COL6A6: variants seen among roughly 807,000 people sequenced by gnomAD.
COL6A6 encodes collagen alpha-6(VI) chain.
A neutral mutation model predicts 208.6 loss-of-function variants in COL6A6; 183 were observed. The observed-to-expected ratio is 0.88, with a 90% CI of 0.78 to 0.99. The LOEUF is 0.99. Among genes scored for constraint, COL6A6 ranks in the 50% least tolerant of loss-of-function variants. The probability of loss-of-function intolerance (pLI) is 0.00; values close to 1 mark genes in which losing one functional copy is unlikely to be tolerated. For synonymous variants in COL6A6, 973 were observed against 1,011.8 expected, an observed-to-expected ratio of 0.96 and a Z score of 0.73; for missense variants, 2,816 against 2,815.2, an observed-to-expected ratio of 1.00 and a Z score of -0.01.
chr3:130,560,596 T>C (rs1207708604), intron 2 of COL6A6, among the ~76,000 whole-genome samples, 168 bp downstream of exon 2: 1 of 152,204 alleles, frequency 6.6e-6, no homozygotes, highest in East Asian at 1.9e-4. Context: ...CCATATTCCT[T>C]TGAAGATCAT....
intron 4 of COL6A6, among the ~76,000 whole-genome samples, chr3:130,565,987 A>G (rs2063011251): frequency 6.6e-6 from 1 of 152,032 alleles, no homozygotes; most frequent in Admixed American, 6.5e-5. Context: ...TTCTCACCCA[A>G]ATCATCTTTC....
rs202193097 is a variant in COL6A6, at chr3:130,634,242, TAAAAAAAAAAAAA to T, written c.4993-336_4993-324del. Among the ~76,000 whole-genome samples, 3 of 23,794 alleles carry T rather than the reference TAAAAAAAAAAAAA, an allele frequency of 1.3e-4. 1 individual carries two copies. The African/African-American group carries it at 1.7e-3, about 14-fold the overall frequency. The allele number at this position is 23,794 out of a possible 152,430, so 15.6% of individuals were successfully genotyped here. ...ATAAATAAATAAATAAATAAATAAA[TAAAAAAAAAAAAA>T]AAAAAAAAAAAGATCGTGTCAGAGA... On this transcript the variant is annotated intron_variant, in intron 26 of 36. Coordinates refer to ENST00000358511, the MANE Select transcript of COL6A6 (RefSeq NM_001102608.3).
chr3:130,621,445 A>G (rs2064713873), intron 23 of COL6A6, among the ~76,000 whole-genome samples: 1 of 152,188 alleles, frequency 6.6e-6, no homozygotes, highest in South Asian at 2.1e-4. Flanking sequence ...AATGTTTTCT[A>G]CCAAAGCCAG....
At chr3:130,647,012 T>A (rs1312406764) in intron 32 of COL6A6, among the ~76,000 whole-genome samples, 1 of 152,202 alleles carries the variant, frequency 6.6e-6, no homozygotes, top group Non-Finnish European at 1.5e-5. Context: ...GTGTTGTGTT[T>A]AGGTTACATG....
chr3:130,647,429 C>A (rs1281669013), intron 32 of COL6A6, among the ~76,000 whole-genome samples: 1 of 152,190 alleles, frequency 6.6e-6, no homozygotes, highest in African/African-American at 2.4e-5. Context: ...AGAAGAATCA[C>A]TTTCATGTTT....
At chr3:130,577,219 TG>T (rs959638194) in intron 8 of COL6A6, among the ~76,000 whole-genome samples, 1 of 152,174 alleles carries the variant, frequency 6.6e-6, no homozygotes, top group Admixed American at 6.6e-5. Flanking sequence ...ATGTGGAAAC[TG>T]GGGTTCAAGG....
At position 130,567,254 on chromosome 3, in the gene COL6A6, C is replaced by G. The variant is rs753595417; in HGVS notation, c.1835C>G (p.Thr612Ser). The change falls in exon 5 of 37, where the codon ACT (threonine) becomes AGT (serine). Residue 612 changes from threonine to serine, a missense_variant. Thr to Ser is a moderately conservative substitution (Grantham distance 58). Transcript: ENST00000358511. Reference sequence around the variant, plus strand: ...AACCAAGTTGTTCAAGAAATCTGTACTGAAGAAGGTAAGAGAAATCGTGGC... The same window carrying G: ...AACCAAGTTGTTCAAGAAATCTGTAGTGAAGAAGGTAAGAGAAATCGTGGC... ...IRNQVVQEIC[T>S]EEACKEMKAD... The G allele has an allele frequency of 1.2e-6, 2 of 1,605,200 alleles. No individual in the cohort carries two copies. Among genetic ancestry groups the G allele is most frequent in the Non-Finnish European group, 1.7e-6 (2 of 1,174,638 alleles).
chr3:130,580,274 T>C (rs1157489575), intron 8 of COL6A6, among the ~76,000 whole-genome samples: 1 of 152,246 alleles, frequency 6.6e-6, no homozygotes, highest in African/African-American at 2.4e-5. Flanking sequence ...TCTAAATAGT[T>C]TATCTTATTT....
At chr3:130,599,842 G>C (rs550867946) in intron 20 of COL6A6, 32 bp downstream of exon 20, 2 of 1,608,380 alleles carry the variant, frequency 1.2e-6, no homozygotes, top group Admixed American at 1.7e-5. Context: ...GAGACCCACT[G>C]TTTTGGTGGC....
intron 12 of COL6A6, among the ~76,000 whole-genome samples, 164 bp downstream of exon 12, chr3:130,589,346 T>C (rs2063620101): frequency 6.6e-6 from 1 of 152,204 alleles, no homozygotes; most frequent in African/African-American, 2.4e-5. Context: ...TGGATTTTCC[T>C]TGGCATTCTA....
chr3:130,580,915 T>A (rs1320749034), intron 8 of COL6A6, among the ~76,000 whole-genome samples: 1 of 152,204 alleles, frequency 6.6e-6, no homozygotes, highest in Non-Finnish European at 1.5e-5. Flanking sequence ...ATCTTTGACA[T>A]GGTCGAATGT....
Position 130,563,065 on chromosome 3 carries a change from C to G in COL6A6, c.65-3C>G, listed in dbSNP as rs769273427. The G allele has an allele frequency of 6.3e-7, 1 of 1,592,798 alleles. No homozygotes were observed. On this transcript the variant is annotated splice_polypyrimidine_tract_variant and splice_region_variant and intron_variant, in intron 2 of 36. Transcript: ENST00000358511. The stretch of plus-strand genomic sequence containing the variant: ...GTTCGTTCATATGTTTGTGGTTTTG[C>G]AGGCCCTGAGTATGCAGATGTTGTG...
chr3:130,602,236 G>A (rs2064045312), intron 20 of COL6A6, among the ~76,000 whole-genome samples: 1 of 152,140 alleles, frequency 6.6e-6, no homozygotes. Flanking sequence ...GTAGCTCTAA[G>A]GAAAAAGAAA....
chr3:130,591,400 C>G (rs569415741), intron 13 of COL6A6, among the ~76,000 whole-genome samples: 1 of 152,308 alleles, frequency 6.6e-6, no homozygotes, highest in African/African-American at 2.4e-5. Flanking sequence ...TAAAGGTAAA[C>G]CAACTCACCA....
chr3:130,622,492 AG>A (rs2064756335), intron 24 of COL6A6, among the ~76,000 whole-genome samples: 1 of 152,188 alleles, frequency 6.6e-6, no homozygotes, highest in Non-Finnish European at 1.5e-5. Flanking sequence ...AATAAAGATA[AG>A]GGGCTAAAAT....
chr3:130,580,860 A>T (rs993050996), intron 8 of COL6A6, among the ~76,000 whole-genome samples: 8 of 152,246 alleles, frequency 5.3e-5, no homozygotes, highest in Non-Finnish European at 7.3e-5. Context: ...TCAAAATGGC[A>T]GTGTCCGTGG....
chr3:130,658,853 G>C, intron 34 of COL6A6, 81 bp downstream of exon 34: 1 of 970,086 alleles, frequency 1.0e-6, no homozygotes, highest in Non-Finnish European at 1.6e-6. Flanking sequence ...ACTGGAACTT[G>C]GCAGCAGGGA....
At position 130,561,698 on chromosome 3, in the gene COL6A6, T is replaced by C. The variant is rs1010843661; in HGVS notation, c.64+1270T>C. 9.8e-5 allele frequency among the ~76,000 whole-genome samples: 13 copies of C among 132,116 alleles called. No individual in the cohort carries two copies. The East Asian group carries it at 3.2e-3, about 32-fold the overall frequency. 86.7% of individuals were successfully genotyped at this position (132,116 alleles called of 152,430 possible). ...TCTCGCTCTGTCGCCCAGGCCAGACTGCGGACTGCAGTGGCGCAATCTCGG... is the reference window on the plus strand; with the variant it reads ...TCTCGCTCTGTCGCCCAGGCCAGACCGCGGACTGCAGTGGCGCAATCTCGG... On this transcript the variant is annotated intron_variant, in intron 2 of 36. Transcript: ENST00000358511.
At chr3:130,659,935 T>G (rs2065896841) in intron 34 of COL6A6, among the ~76,000 whole-genome samples, 1 of 152,228 alleles carries the variant, frequency 6.6e-6, no homozygotes, top group African/African-American at 2.4e-5. Flanking sequence ...TCTTTCCCTC[T>G]CCTTCTCTTG....
Sources: allele counts gnomAD v4.1 joint callset (sites outside exome capture counted in the v4.1 genomes callset), GRCh38; gene constraint gnomAD v4.1.1; transcripts MANE v1.5; gene names NCBI Gene and HGNC (gene_info 2026-07-23, HGNC 2026-07-21).